Variants in SLC7A14 observed in about 807,000 individuals in gnomAD.
SLC7A14 encodes the protein gamma-aminobutyric acid transporter SLC7A14.
In SLC7A14, 37 loss-of-function variants were observed where a neutral mutation model predicts 60.2. That is an observed-to-expected ratio of 0.61 (90% confidence interval 0.47 to 0.81). The LOEUF is 0.81. Among genes scored for constraint, SLC7A14 ranks in the 30% least tolerant of loss-of-function variants. SLC7A14 has a pLI of 0.00. For missense variants in SLC7A14, 886 were observed against 982.7 expected, an observed-to-expected ratio of 0.90 and a Z score of 1.32; for synonymous variants, 399 against 395.8, an observed-to-expected ratio of 1.01 and a Z score of -0.10.
chr3:170,489,964 C>A (rs187597305), intron 4 of SLC7A14, among the ~76,000 whole-genome samples: 58 of 95,616 alleles, frequency 6.1e-4, no homozygotes, highest in African/African-American at 2.2e-3. Flanking sequence ...GGGGGCTGGA[C>A]GGGGGGAGGT....
intron 2 of SLC7A14, among the ~76,000 whole-genome samples, chr3:170,520,518 T>C (rs1367441174): frequency 6.6e-6 from 1 of 152,232 alleles, no homozygotes; most frequent in Non-Finnish European, 1.5e-5. Context: ...TCAGGACTGA[T>C]ACATGGTAGG....
intron 2 of SLC7A14, among the ~76,000 whole-genome samples, chr3:170,525,644 T>C (rs1713469744): frequency 6.6e-6 from 1 of 152,168 alleles, no homozygotes. Context: ...CCACTGTCCC[T>C]CAAGAGGATT....
chr3:170,543,794 G>C (rs1158172679), intron 1 of SLC7A14, among the ~76,000 whole-genome samples: 1 of 144,614 alleles, frequency 6.9e-6, no homozygotes, highest in Non-Finnish European at 1.5e-5. Flanking sequence ...CTGTTGCCCA[G>C]GCTGGAGTGC....
intron 1 of SLC7A14, among the ~76,000 whole-genome samples, chr3:170,554,181 T>G (rs962056147): frequency 1.3e-5 from 2 of 152,226 alleles, no homozygotes; most frequent in Admixed American, 6.5e-5. Flanking sequence ...TTGAGACATT[T>G]GCCAGCTCTT....
intron 5 of SLC7A14, among the ~76,000 whole-genome samples, chr3:170,485,747 A>G (rs771801405): frequency 3.3e-5 from 5 of 152,196 alleles, no homozygotes; most frequent in African/African-American, 7.2e-5. Flanking sequence ...CCCCAGATTT[A>G]AGGGGAAGAG....
At position 170,480,710 on chromosome 3, in the gene SLC7A14, T is replaced by C. The variant is rs1313847136; in HGVS notation, c.1572A>G (p.Glu524=). The part of the protein sequence containing the change: ...VDMTTGIEAD[E]SENIYLIKLK... Reference sequence around the variant, plus strand: ...ACTTGATGAGATAAATATTTTCGGATTCATCAGCTTCTATGCCTGTGGTCA... The same window carrying C: ...ACTTGATGAGATAAATATTTTCGGACTCATCAGCTTCTATGCCTGTGGTCA... The change falls in exon 7 of 8, where the codon GAA becomes GAG. Residue 524 remains glutamate, a synonymous_variant. Coordinates refer to ENST00000231706, the MANE Select transcript of SLC7A14 (RefSeq NM_020949.3). The C allele has an allele frequency of 6.2e-7, 1 of 1,614,222 alleles. No individual in the cohort carries two copies. Among genetic ancestry groups the C allele is most frequent in the Non-Finnish European group, 8.5e-7 (1 of 1,180,030 alleles).
At chr3:170,496,539 C>T (rs1712402227) in intron 4 of SLC7A14, 1 of 1,585,544 alleles carries the variant, frequency 6.3e-7, no homozygotes, top group Non-Finnish European at 8.7e-7. Flanking sequence ...CATGGCGCAG[C>T]AGCTGCGTGA....
chr3:170,479,480 TC>T (rs1560250678), intron 7 of SLC7A14, among the ~76,000 whole-genome samples: 1 of 152,184 alleles, frequency 6.6e-6, no homozygotes, highest in Non-Finnish European at 1.5e-5. Flanking sequence ...TAGAAATGGA[TC>T]ACAAAGTAAA....
intron 1 of SLC7A14, among the ~76,000 whole-genome samples, chr3:170,564,504 C>T (rs1224675111): frequency 6.6e-6 from 1 of 152,206 alleles, no homozygotes; most frequent in Non-Finnish European, 1.5e-5. Context: ...ACAGGGGTCT[C>T]CCTCCAGTTT....
chr3:170,534,816 T>C (rs1713789303), intron 1 of SLC7A14, among the ~76,000 whole-genome samples: 1 of 152,236 alleles, frequency 6.6e-6, no homozygotes, highest in Non-Finnish European at 1.5e-5. Flanking sequence ...GATTTTTACC[T>C]GGTCTGGGAC....
At chr3:170,541,350 C>T (rs762317215) in intron 1 of SLC7A14, among the ~76,000 whole-genome samples, 1 of 152,150 alleles carries the variant, frequency 6.6e-6, no homozygotes, top group Non-Finnish European at 1.5e-5. Context: ...GTAATCCCAG[C>T]ACTTTGGGAA....
In SLC7A14 at chr3:170,462,733, A is replaced by AG. The variant is rs1739632774; in HGVS notation, c.*4321_*4322insC. On this transcript the variant is annotated 3_prime_UTR_variant, in exon 8 of 8. Transcript: ENST00000231706. Reference sequence around the variant, plus strand: ...GTGACAGAATGAGACTCTGTCTAAAAAAAAAAAAGTAGCACTCAAGCTCAG... The same window carrying AG: ...GTGACAGAATGAGACTCTGTCTAAAAGAAAAAAAAGTAGCACTCAAGCTCAG... 6.6e-6 allele frequency: 1 copy of AG among 151,844 alleles called. No homozygotes were observed. The highest frequency in any genetic ancestry group is 1.5e-5 in the Non-Finnish European group (1 of 67,950). The allele number at this position is 151,844 out of a possible 1,614,324, so 9.4% of individuals were successfully genotyped here. A position where few individuals can be genotyped will look rare whatever the true frequency, so the allele number is the denominator to read the frequency against.
chr3:170,495,128 T>C (rs1380187917), intron 4 of SLC7A14, among the ~76,000 whole-genome samples: 2 of 152,224 alleles, frequency 1.3e-5, no homozygotes, highest in Non-Finnish European at 2.9e-5. Context: ...TCCTTCCTCA[T>C]GTAGTTTTAA....
chr3:170,473,111 G>A (rs1182753944), intron 7 of SLC7A14, among the ~76,000 whole-genome samples: 1 of 152,114 alleles, frequency 6.6e-6, no homozygotes, highest in Non-Finnish European at 1.5e-5. Flanking sequence ...GTGCCTCCAG[G>A]GAAGGTTTAC....
chr3:170,484,454 A>G (rs1327435334), intron 5 of SLC7A14, among the ~76,000 whole-genome samples: 1 of 152,188 alleles, frequency 6.6e-6, no homozygotes, highest in Admixed American at 6.5e-5. Flanking sequence ...CATATTATTG[A>G]TCTGCCTAAC....
rs575911902 is a variant in SLC7A14 at position 170,532,085 on chromosome 3, A to G, written c.-152-4997T>C. Among the ~76,000 whole-genome samples the G allele has an allele frequency of 6.6e-6, 1 of 152,166 alleles. No individual in the cohort carries two copies. Among genetic ancestry groups the G allele is most frequent in the Admixed American group, 6.5e-5 (1 of 15,274 alleles). On this transcript the variant is annotated intron_variant, in intron 1 of 7. Transcript: ENST00000231706. The surrounding 1 kb of genome is among the most constrained non-coding windows in gnomAD (Gnocchi z 4.0). ...CCTGATTTTGCAAATATGCTAAGGG[A>G]CTACAAAAATCCCTCATGACACACT...
chr3:170,469,479 T>C (rs1276744390), intron 7 of SLC7A14, among the ~76,000 whole-genome samples: 2 of 152,112 alleles, frequency 1.3e-5, no homozygotes, highest in African/African-American at 4.8e-5. Context: ...AGCAGGGTAT[T>C]TACTCTTTCT....
chr3:170,493,824 G>A (rs1464391880), intron 4 of SLC7A14, among the ~76,000 whole-genome samples: 1 of 152,232 alleles, frequency 6.6e-6, no homozygotes, highest in African/African-American at 2.4e-5. Context: ...TCCAAGGCCA[G>A]GCAGAGTGCA....
At chr3:170,582,141 G>A (rs548012497) in intron 1 of SLC7A14, among the ~76,000 whole-genome samples, 1 of 152,262 alleles carries the variant, frequency 6.6e-6, no homozygotes, top group South Asian at 2.1e-4. Context: ...TAGCCTAATT[G>A]TCCTAGGTAT....
Sources: gnomAD v4.1 joint callset for allele counts (sites outside exome capture counted in the v4.1 genomes callset) on GRCh38, gnomAD v4.1.1 for gene constraint, Gnocchi (gnomAD v3.1) non-coding constraint, MANE v1.5 for transcripts, NCBI Gene and HGNC (gene_info 2026-07-23, HGNC 2026-07-21) for gene names.